The following IGF1R variants were observed in gnomAD, a reference collection of about 807,000 sequenced individuals.
IGF1R encodes insulin-like growth factor 1 receptor.
A neutral mutation model predicts 144.6 loss-of-function variants in IGF1R; 44 were observed. The observed-to-expected ratio is 0.30, with a 90% CI of 0.24 to 0.39. IGF1R has a LOEUF of 0.39. Ranked by LOEUF, IGF1R falls within the 10% of genes least tolerant of loss-of-function variation. IGF1R has a pLI of 1.00. For synonymous variants in IGF1R, 795 were observed against 722.8 expected (o/e 1.10, Z -1.60); for missense variants, 1,355 against 1,833.7 (o/e 0.74, Z 4.77).
At position 98,935,827 on chromosome 15, in the gene IGF1R, T is replaced by C. The variant is rs1400245538; in HGVS notation, c.3297+401T>C. On this transcript the variant is annotated intron_variant, in intron 17 of 20. Transcript: ENST00000650285. The surrounding 1 kb of genome is among the most constrained non-coding windows in gnomAD (Gnocchi z 4.2). Reference sequence around the variant, plus strand: ...TGCGCTTGACTCACATCCTCGTATGTGTTCTCTCTCGTTATGTTGTGTTGT... The same window carrying C: ...TGCGCTTGACTCACATCCTCGTATGCGTTCTCTCTCGTTATGTTGTGTTGT... 2.6e-5 allele frequency among the ~76,000 whole-genome samples: 4 copies of C among 152,308 alleles called. No homozygotes were observed. In the East Asian group the frequency reaches 5.8e-4, roughly 22 times the overall value.
chr15:98,784,528 G>A (rs1408946860), intron 2 of IGF1R: 2 of 153,894 alleles, frequency 1.3e-5, no homozygotes, highest in African/African-American at 4.8e-5. Flanking sequence ...GAGCAATTTA[G>A]TCTAGGTTAA....
intron 20 of IGF1R, among the ~76,000 whole-genome samples, chr15:98,952,361 A>G (rs993013989): frequency 4.0e-5 from 6 of 149,898 alleles, no homozygotes; most frequent in Non-Finnish European, 8.9e-5. Context: ...TCTGCTCCAC[A>G]CTTTGAGCAG....
chr15:98,858,178 ATAAAC>A, intron 2 of IGF1R, among the ~76,000 whole-genome samples: 1 of 152,392 alleles, frequency 6.6e-6, no homozygotes, highest in East Asian at 1.9e-4. Context: ...GGCTATGAAA[ATAAAC>A]TAGATTGAAA....
chr15:98,919,855 G>A (rs1054442161), intron 10 of IGF1R, among the ~76,000 whole-genome samples: 34 of 152,206 alleles, frequency 2.2e-4, no homozygotes, highest in Admixed American at 1.6e-3. Context: ...TGTTTTACAC[G>A]TGGATTGTCC....
At chr15:98,691,174 C>T (rs2053466004) in intron 1 of IGF1R, among the ~76,000 whole-genome samples, 1 of 152,072 alleles carries the variant, frequency 6.6e-6, no homozygotes, top group Non-Finnish European at 1.5e-5. Context: ...CCCAATGTTC[C>T]TTTCCTGGTC....
intron 20 of IGF1R, among the ~76,000 whole-genome samples, chr15:98,955,152 G>T (rs180889453): frequency 6.6e-5 from 10 of 152,246 alleles, no homozygotes; most frequent in Admixed American, 5.2e-4. Flanking sequence ...TCACAAACTC[G>T]TGAGGACTTC....
intron 1 of IGF1R, among the ~76,000 whole-genome samples, chr15:98,658,492 A>T (rs937392820): frequency 2.0e-5 from 3 of 152,242 alleles, no homozygotes; most frequent in African/African-American, 7.2e-5. Flanking sequence ...CCAAAGTCAG[A>T]AAAATTGTGA....
Position 98,773,843 on chromosome 15 carries a change from T to TC in IGF1R, c.640+65738dup, listed in dbSNP as rs1262957560. On this transcript the variant is annotated intron_variant, in intron 2 of 20. Coordinates refer to ENST00000650285, the MANE Select transcript of IGF1R (RefSeq NM_000875.5). ...GTAGGTGTCTGACGACATCTTGTGA[T>TC]CCGGGGGGAAGCCAGCCTAAGGACA... 5.3e-5 allele frequency among the ~76,000 whole-genome samples: 8 copies of TC among 152,094 alleles called. No individual in the cohort carries two copies. The East Asian group carries it at 1.5e-3, about 29-fold the overall frequency.
intron 1 of IGF1R, among the ~76,000 whole-genome samples, chr15:98,664,321 G>T (rs919369594): frequency 6.6e-6 from 1 of 152,086 alleles, no homozygotes; most frequent in Admixed American, 6.5e-5. Context: ...ACCGGGGCAC[G>T]TTATTGACCC....
Position 98,698,242 on chromosome 15 carries a change from T to C in IGF1R, c.95-9320T>C, listed in dbSNP as rs556268885. 8.5e-5 allele frequency among the ~76,000 whole-genome samples: 13 copies of C among 152,162 alleles called. No homozygotes were observed. In the South Asian group the frequency reaches 2.3e-3, roughly 27 times the overall value. On this transcript the variant is annotated intron_variant, in intron 1 of 20. Transcript: ENST00000650285. Reference sequence around the variant, plus strand: ...TTAGTGGAGATGGGGTTTCACCATGTTGGCCAGGCTGGTCTTGAACTCCTG... The same window carrying C: ...TTAGTGGAGATGGGGTTTCACCATGCTGGCCAGGCTGGTCTTGAACTCCTG...
intron 2 of IGF1R, among the ~76,000 whole-genome samples, chr15:98,878,566 T>G (rs997545593): frequency 6.6e-6 from 1 of 150,452 alleles, no homozygotes; most frequent in Non-Finnish European, 1.5e-5. Flanking sequence ...GATGGGTGTC[T>G]TTACGTACAC....
intron 10 of IGF1R, among the ~76,000 whole-genome samples, chr15:98,918,667 TC>T (rs2015354593): frequency 6.6e-6 from 1 of 151,936 alleles, no homozygotes; most frequent in African/African-American, 2.4e-5. Flanking sequence ...GATCACAAGA[TC>T]AGGCGTTCGA....
chr15:98,944,047 A>G (rs1317060574), intron 19 of IGF1R, among the ~76,000 whole-genome samples: 1 of 152,194 alleles, frequency 6.6e-6, no homozygotes, highest in Non-Finnish European at 1.5e-5. Context: ...CAAGATGGTT[A>G]TCTCTTCACT....
At chr15:98,940,038 T>C (rs1441115755) in intron 18 of IGF1R, among the ~76,000 whole-genome samples, 1 of 152,220 alleles carries the variant, frequency 6.6e-6, no homozygotes, top group African/African-American at 2.4e-5. Context: ...GGATTGAATT[T>C]CTGAGCAATG....
Position 98,704,545 on chromosome 15 carries a change from G to A in IGF1R, c.95-3017G>A, listed in dbSNP as rs1315513034. On this transcript the variant is annotated intron_variant, in intron 1 of 20. Coordinates refer to ENST00000650285, the MANE Select transcript of IGF1R (RefSeq NM_000875.5). This position sits in a 1 kb window ranked among gnomAD's most constrained non-coding sequence, Gnocchi z 4.9. ...TTAGGCCAAGCTGGAGTTGATAGTG[G>A]CTCAGATCAGAGCTAAAGTAGTGGA... is the stretch of plus-strand genomic sequence containing the variant. 6.6e-6 allele frequency among the ~76,000 whole-genome samples: 1 copy of A among 152,278 alleles called. No individual in the cohort carries two copies. The highest frequency in any genetic ancestry group is 2.1e-4 in the South Asian group (1 of 4,830).
At chr15:98,920,962 G>C (rs187142361) in intron 10 of IGF1R, among the ~76,000 whole-genome samples, 1 of 152,152 alleles carries the variant, frequency 6.6e-6, no homozygotes, top group South Asian at 2.1e-4. Flanking sequence ...GTGGCTTCTG[G>C]GCTGTTCCGT....
intron 2 of IGF1R, among the ~76,000 whole-genome samples, chr15:98,878,824 G>A (rs1250587665): frequency 5.9e-5 from 9 of 151,770 alleles, no homozygotes; most frequent in Admixed American, 1.3e-4. Flanking sequence ...AACCAACCCC[G>A]TCTCTACTAA....
rs371991367 is a variant in IGF1R at position 98,807,663 on chromosome 15, G to GT, written c.641-83659dup. On this transcript the variant is annotated intron_variant, in intron 2 of 20. Coordinates refer to ENST00000650285, the MANE Select transcript of IGF1R (RefSeq NM_000875.5). ...TAGTGAGGGATTGTTGTGCTGTGAGGTTTAAATGAGCTAATCCCTGTGAGG... is the reference window on the plus strand; with the variant it reads ...TAGTGAGGGATTGTTGTGCTGTGAGGTTTTAAATGAGCTAATCCCTGTGAGG... Among the ~76,000 whole-genome samples the GT allele has an allele frequency of 6.6e-5, 10 of 152,348 alleles. 1 individual carries two copies. The highest frequency in any genetic ancestry group is 2.2e-4 in the African/African-American group (9 of 41,586).
rs146787830 is a variant in IGF1R at position 98,807,792 on chromosome 15, C to T, written c.641-83533C>T. Reference sequence around the variant, plus strand: ...ATTAGTGTATACCCTGTCTCCTTGCCGTTTATGGGTCCTTCTTTCAAGCAG... The same window carrying T: ...ATTAGTGTATACCCTGTCTCCTTGCTGTTTATGGGTCCTTCTTTCAAGCAG... On this transcript the variant is annotated intron_variant, in intron 2 of 20. Transcript: ENST00000650285. 1.6e-3 allele frequency among the ~76,000 whole-genome samples: 242 copies of T among 152,328 alleles called. 2 individuals are homozygous for T. The highest frequency in any genetic ancestry group is 5.4e-3 in the African/African-American group (225 of 41,582).
Sources: allele counts gnomAD v4.1 joint callset (sites outside exome capture counted in the v4.1 genomes callset), GRCh38; gene constraint gnomAD v4.1.1; non-coding constraint Gnocchi (gnomAD v3.1); transcripts MANE v1.5; gene names NCBI Gene and HGNC (gene_info 2026-07-23, HGNC 2026-07-21).